The following CSMD1 variants were observed in gnomAD, a reference collection of about 807,000 sequenced individuals.
CSMD1 encodes CUB and sushi domain-containing protein 1.
In CSMD1, 213 loss-of-function variants were observed where a neutral mutation model predicts 417.5. The ratio of observed to expected loss-of-function variants is 0.51; its 90% CI spans 0.46 to 0.57. The LOEUF is 0.57. CSMD1 is among the 20% of genes least tolerant of loss of function. The pLI, the probability that CSMD1 is intolerant of heterozygous loss-of-function variation, is 0.00. For synonymous variants in CSMD1, 2,862 were observed against 1,736.8 expected (o/e 1.65, Z -16.11); for missense variants, 6,923 against 4,529.7 (o/e 1.53, Z -15.17).
At chr8:3,260,290 G>A (rs1359317725) in intron 26 of CSMD1, among the ~76,000 whole-genome samples, 1 of 151,922 alleles carries the variant, frequency 6.6e-6, no homozygotes, top group Non-Finnish European at 1.5e-5. Context: ...GAATAGAAAC[G>A]CCACCTCTGT....
intron 7 of CSMD1, among the ~76,000 whole-genome samples, chr8:3,631,869 G>A (rs1165366050): frequency 6.6e-6 from 1 of 152,040 alleles, no homozygotes; most frequent in Admixed American, 6.6e-5. Flanking sequence ...TTCCCCCCTG[G>A]TCCAAAGATA....
intron 5 of CSMD1, among the ~76,000 whole-genome samples, chr8:3,801,858 A>G (rs180986629): frequency 1.2e-3 from 176 of 152,300 alleles, no homozygotes; most frequent in African/African-American, 3.3e-3. Context: ...AAGTAAGTCA[A>G]TGAAAAATCA....
In CSMD1 at chr8:4,428,486, T is replaced by G. The variant is rs111449634; in HGVS notation, c.303-8421A>C. ...TTCTGGAGTAAAAAGGCTGCATGCC[T>G]GGCATATGTGTATCTCTCTCTACAT... is the stretch of plus-strand genomic sequence containing the variant. On this transcript the variant is annotated intron_variant, in intron 2 of 69. Coordinates refer to ENST00000635120, the MANE Select transcript of CSMD1 (RefSeq NM_033225.6). 6.4e-3 allele frequency among the ~76,000 whole-genome samples: 967 copies of G among 152,282 alleles called. 7 individuals are homozygous for G. The highest frequency in any genetic ancestry group is 0.022 in the African/African-American group (922 of 41,574).
chr8:4,032,833 C>G (rs939743943), intron 3 of CSMD1, among the ~76,000 whole-genome samples: 2 of 152,122 alleles, frequency 1.3e-5, no homozygotes, highest in African/African-American at 4.8e-5. Flanking sequence ...TGGACACATC[C>G]TCTCAGCCAG....
At chr8:3,874,517 T>C (rs968287922) in intron 5 of CSMD1, among the ~76,000 whole-genome samples, 1 of 152,200 alleles carries the variant, frequency 6.6e-6, no homozygotes, top group Non-Finnish European at 1.5e-5. Context: ...ACACATGCTG[T>C]CGGCGTTCAT....
chr8:3,127,936 G>GGAAGGAAGGAAGGAAGGAAGGAAGGA (rs1563069428), intron 41 of CSMD1: 1 of 108,678 alleles, frequency 9.2e-6, no homozygotes, highest in South Asian at 3.5e-4. Flanking sequence ...GGAAGGAAGG[G>GGAAGGAAGGAAGGAAGGAAGGAAGGA]AAGGAAAGAA....
At chr8:3,097,968 T>C (rs1410285153) in intron 46 of CSMD1, among the ~76,000 whole-genome samples, 1 of 152,218 alleles carries the variant, frequency 6.6e-6, no homozygotes. Flanking sequence ...CTCTTGCTTT[T>C]TGAAAAATTA....
intron 2 of CSMD1, among the ~76,000 whole-genome samples, chr8:4,439,951 A>G (rs1457429061): frequency 1.3e-5 from 2 of 152,210 alleles, no homozygotes; most frequent in South Asian, 2.1e-4. Flanking sequence ...GTTTCCACAC[A>G]TGAATTAAGA....
Position 4,397,010 on chromosome 8 carries a change from C to T in CSMD1, c.415+22943G>A, listed in dbSNP as rs1023031516. On this transcript the variant is annotated intron_variant, in intron 3 of 69. Transcript: ENST00000635120. ...TTCATGTAACCAAACACCATCTGTTCCCTAAAAATCTAATGAAATTAAAAA... is the reference window on the plus strand; with the variant it reads ...TTCATGTAACCAAACACCATCTGTTTCCTAAAAATCTAATGAAATTAAAAA... Among the ~76,000 whole-genome samples the T allele has an allele frequency of 2.6e-5, 4 of 151,430 alleles. No homozygotes were observed. The South Asian group carries it at 8.4e-4, about 32-fold the overall frequency.
intron 15 of CSMD1, among the ~76,000 whole-genome samples, chr8:3,405,519 T>C (rs903781989): frequency 1.3e-5 from 2 of 152,200 alleles, no homozygotes; most frequent in South Asian, 4.1e-4. Context: ...AAATCATACA[T>C]TGAGGTCCTA....
chr8:4,648,906 T>C (rs1803706775), intron 1 of CSMD1, among the ~76,000 whole-genome samples: 1 of 152,202 alleles, frequency 6.6e-6, no homozygotes, highest in African/African-American at 2.4e-5. Flanking sequence ...CTTCCGCATA[T>C]ACGTAAATCA....
chr8:3,200,354 A>G (rs1378912579), intron 32 of CSMD1, among the ~76,000 whole-genome samples: 10 of 152,010 alleles, frequency 6.6e-5, no homozygotes, highest in Admixed American at 6.6e-4. Flanking sequence ...CAGGAGTTTG[A>G]GACCAGCCTG....
intron 64 of CSMD1, among the ~76,000 whole-genome samples, chr8:2,954,790 G>A (rs1802886541): frequency 6.6e-6 from 1 of 152,132 alleles, no homozygotes; most frequent in African/African-American, 2.4e-5. Flanking sequence ...ATCAAACTAC[G>A]AATTACCATT....
intron 18 of CSMD1, among the ~76,000 whole-genome samples, chr8:3,385,305 T>A (rs1051904464): frequency 6.8e-6 from 1 of 147,734 alleles, no homozygotes; most frequent in Non-Finnish European, 1.5e-5. Context: ...GCCTTTACAT[T>A]TCTTGCTAGA....
At chr8:3,306,485 T>C (rs927706119) in intron 25 of CSMD1, among the ~76,000 whole-genome samples, 2 of 152,152 alleles carry the variant, frequency 1.3e-5, no homozygotes, top group Non-Finnish European at 2.9e-5. Context: ...CCTGTAACTT[T>C]TTTTCAGCTT....
At chr8:4,863,777 T>C (rs1428453606) in intron 1 of CSMD1, among the ~76,000 whole-genome samples, 1 of 152,108 alleles carries the variant, frequency 6.6e-6, no homozygotes, top group African/African-American at 2.4e-5. Flanking sequence ...GATTTGTATA[T>C]TTTCTTTACT....
intron 2 of CSMD1, among the ~76,000 whole-genome samples, chr8:4,437,486 C>G (rs1798214097): frequency 6.6e-6 from 1 of 152,126 alleles, no homozygotes; most frequent in South Asian, 2.1e-4. Context: ...AGTTTCCTCT[C>G]AAGATTTTTA....
At chr8:4,030,492 G>A (rs1350564563) in intron 4 of CSMD1, among the ~76,000 whole-genome samples, 2 of 152,156 alleles carry the variant, frequency 1.3e-5, no homozygotes, top group Admixed American at 1.3e-4. Flanking sequence ...GCCACAGTTG[G>A]AGCAGCTGGG....
At position 3,818,608 on chromosome 8, in the gene CSMD1, G is replaced by C. The variant is rs1046655258; in HGVS notation, c.819-64566C>G. 2.7e-5 allele frequency among the ~76,000 whole-genome samples: 4 copies of C among 148,834 alleles called. No homozygotes were observed. In the East Asian group the frequency reaches 5.8e-4, roughly 22 times the overall value. ...AGAATGAGAAGTGCTAGAAAAGGGA[G>C]AAACAGGGTCCCATGGGTCCCCACA... is the stretch of plus-strand genomic sequence containing the variant. On this transcript the variant is annotated intron_variant, in intron 5 of 69. Transcript: ENST00000635120.
Sources: allele counts gnomAD v4.1 joint callset (sites outside exome capture counted in the v4.1 genomes callset), GRCh38; gene constraint gnomAD v4.1.1; transcripts MANE v1.5; gene names NCBI Gene and HGNC (gene_info 2026-07-23, HGNC 2026-07-21).